The following CATIP variants were observed in gnomAD, a reference collection of about 807,000 sequenced individuals.
The protein encoded by CATIP is ciliogenesis associated TTC17 interacting protein, also known as ciliogenesis-associated TTC17-interacting protein.
In CATIP, 40 loss-of-function variants were observed where a neutral mutation model predicts 42.5. That is an observed-to-expected ratio of 0.94 (90% CI 0.73 to 1.22). The LOEUF is 1.22. Ranked by LOEUF, CATIP falls within the 50% of genes most tolerant of loss-of-function variation. The pLI is 0.00. For missense variants in CATIP, 489 were observed against 496.0 expected (o/e 0.99, Z 0.13); for synonymous variants, 222 against 200.2 (o/e 1.11, Z -0.92).
chr2:218,368,018 G>A lies in CATIP; in HGVS notation c.*54G>A. 1.4e-6 allele frequency: 2 copies of A among 1,454,600 alleles called. No homozygotes were observed. Among genetic ancestry groups the A allele is most frequent in the Non-Finnish European group, 1.8e-6 (2 of 1,110,520 alleles). The allele number at this position is 1,454,600 out of a possible 1,614,324, so 90.1% of individuals were successfully genotyped here. On this transcript the variant is annotated 3_prime_UTR_variant, in exon 10 of 10. Coordinates refer to ENST00000289388, the MANE Select transcript of CATIP (RefSeq NM_198559.2). ...AACCAGGGGTCGGGCTGGGACGCGG[G>A]CGGGACGCGCCGGGGCGGGTGCGCT...
At chr2:218,367,400 G>C (rs1449069696) in intron 8 of CATIP, 30 bp from the exon 9 acceptor site, 1 of 1,600,946 alleles carries the variant, frequency 6.2e-7, no homozygotes, top group African/African-American at 1.3e-5. Flanking sequence ...CCGGGGTAGG[G>C]ACGCCCAGCC....
intron 8 of CATIP, 40 bp downstream of exon 8, chr2:218,367,140 A>G (rs1329331269): frequency 3.3e-6 from 5 of 1,527,026 alleles, no homozygotes; most frequent in East Asian, 2.3e-5. Context: ...GGGAGAGTTA[A>G]GGGGAGTGGG....
chr2:218,357,317 AG>A, intron 2 of CATIP, 130 bp downstream of exon 2: 1 of 694,808 alleles, frequency 1.4e-6, no homozygotes, highest in Non-Finnish European at 2.3e-6. Context: ...GACTCAGAAA[AG>A]GCCTGAGGCC....
intron 2 of CATIP, 140 bp from the exon 3 acceptor site, chr2:218,357,394 C>T: frequency 1.3e-6 from 1 of 772,898 alleles, no homozygotes; most frequent in South Asian, 1.8e-5. Flanking sequence ...GGAGTCTTCA[C>T]CTGTCCGTGC....
intron 7 of CATIP, chr2:218,365,811 CTT>C (rs1695412219): frequency 6.6e-6 from 1 of 151,600 alleles, no homozygotes; most frequent in Non-Finnish European, 1.5e-5. Flanking sequence ...CTCTTTCTCT[CTT>C]TCTCTCTCTC....
chr2:218,364,826 G>A (rs1695370081), intron 7 of CATIP, 74 bp downstream of exon 7: 4 of 1,520,084 alleles, frequency 2.6e-6, no homozygotes, highest in Admixed American at 2.0e-5. Flanking sequence ...CTGCTTCTGG[G>A]GATAGCACCA....
rs1457768959 is a variant in CATIP, at chr2:218,367,764, C to T, written c.964C>T (p.Pro322Ser). 1.4e-5 allele frequency: 23 copies of T among 1,610,548 alleles called. No homozygotes were observed. The highest frequency in any genetic ancestry group is 1.9e-5 in the Non-Finnish European group (23 of 1,179,622). ...LGHASYLRQH[P>S]EAHALISDFL... ...CCACGCCAGCTATCTGCGGCAGCACCCCGAAGCCCACGCGCTCATCTCCGA... is the reference window on the plus strand; with the variant it reads ...CCACGCCAGCTATCTGCGGCAGCACTCCGAAGCCCACGCGCTCATCTCCGA... The change falls in exon 10 of 10, where the codon CCC becomes TCC. Residue 322 changes from proline to serine, a missense_variant. By Grantham distance (74) the Pro-to-Ser change is moderately conservative. Transcript: ENST00000289388.
At chr2:218,359,304 T>C (rs1400539019) in intron 4 of CATIP, among the ~76,000 whole-genome samples, 1 of 135,228 alleles carries the variant, frequency 7.4e-6, no homozygotes, top group East Asian at 2.2e-4. Flanking sequence ...ATCACACCAC[T>C]GCACTCCAGC....
intron 8 of CATIP, 134 bp from the exon 9 acceptor site, chr2:218,367,296 C>T (rs1440884351): frequency 1.1e-6 from 1 of 894,358 alleles, no homozygotes; most frequent in African/African-American, 1.7e-5. Context: ...AAGTCCCTTC[C>T]TGCAACTCTG....
rs963456968 is a variant in CATIP, at chr2:218,364,703, G to A, written c.706G>A (p.Ala236Thr). Residue 236 changes from alanine (A) to threonine (T), a missense_variant, in exon 7 of 10, where the codon GCG (alanine) becomes ACG (threonine). Physicochemically the swap from Ala to Thr is moderately conservative, Grantham distance 58. Transcript: ENST00000289388. Reference sequence around the variant, plus strand: ...CTTCATCGTGGAGCAGACTGTCCACGCGGAGGAGGGCATCCCCATGTCCTG... The same window carrying A: ...CTTCATCGTGGAGCAGACTGTCCACACGGAGGAGGGCATCCCCATGTCCTG... The part of the protein sequence containing the change: ...EVFIVEQTVH[A>T]EEGIPMSCQY... 17 of 1,613,764 alleles carry A rather than the reference G, an allele frequency of 1.1e-5. No homozygotes were observed. The highest frequency in any genetic ancestry group is 4.5e-5 in the East Asian group (2 of 44,850).
At chr2:218,358,402 T>G (rs1185573572) in intron 4 of CATIP, among the ~76,000 whole-genome samples, 1 of 151,722 alleles carries the variant, frequency 6.6e-6, no homozygotes, top group Non-Finnish European at 1.5e-5. Flanking sequence ...AAACCTCATC[T>G]GTACAAAAAT....
At position 218,367,716 on chromosome 2, in the gene CATIP, T is replaced by G. The variant is rs369037645; in HGVS notation, c.922-6T>G. On this transcript the variant is annotated splice_region_variant and splice_polypyrimidine_tract_variant and intron_variant, in intron 9 of 9. Transcript: ENST00000289388. The stretch of plus-strand genomic sequence containing the variant: ...CGGCTGAGGCTCGGGCTCTGTCCCC[T>G]GCCAGGAGGAGCTCCGGCTCGGCCA... 1.3e-5 allele frequency: 20 copies of G among 1,591,148 alleles called. No individual in the cohort carries two copies. Among genetic ancestry groups the G allele is most frequent in the Admixed American group, 1.8e-5 (1 of 56,920 alleles).
In CATIP at chr2:218,367,524, G is replaced by C. The variant is rs769678646; in HGVS notation, c.921+6G>C. ...CGAAGTTCCTGGACCGGAAGGTGAG[G>C]GGAGGCTCCACCAGCCTGGGGTTCC... On this transcript the variant is annotated splice_donor_region_variant and intron_variant, in intron 9 of 9. Coordinates refer to ENST00000289388, the MANE Select transcript of CATIP (RefSeq NM_198559.2). 3.1e-6 allele frequency: 5 copies of C among 1,613,944 alleles called. 1 individual carries two copies. The South Asian group carries it at 4.4e-5, about 14-fold the overall frequency.
At position 218,360,790 on chromosome 2, in the gene CATIP, T is replaced by G. The variant is rs1004353278; in HGVS notation, c.462+131T>G. On this transcript the variant is annotated intron_variant, in intron 5 of 9. Coordinates refer to ENST00000289388, the MANE Select transcript of CATIP (RefSeq NM_198559.2). ...GCGCACATGACACAGCCTCAGGAGG[T>G]CCTGAGGAAATGGGCCCAAAGTGGT... 6 of 591,724 alleles carry G rather than the reference T, an allele frequency of 1.0e-5. 1 individual carries two copies. Among genetic ancestry groups the G allele is most frequent in the Non-Finnish European group, 1.2e-5 (4 of 341,658 alleles). 36.7% of individuals were successfully genotyped at this position (591,724 alleles called of 1,614,324 possible).
rs753818885 is a variant in CATIP at position 218,362,588 on chromosome 2, C to T, written c.463-147C>T. The T allele has an allele frequency of 7.2e-4, 479 of 667,764 alleles. 1 individual carries two copies. The highest frequency in any genetic ancestry group is 4.9e-4 in the Non-Finnish European group (196 of 401,686). 41.4% of individuals were successfully genotyped at this position (667,764 alleles called of 1,614,324 possible). A position where few individuals can be genotyped will look rare whatever the true frequency, so the allele number is the denominator to read the frequency against. ...CGGAGGTTGCAGTGAGCTGAGACCA[C>T]GCCATTGCACTCCAGCCTGGGTGAC... On this transcript the variant is annotated intron_variant, in intron 5 of 9. Transcript: ENST00000289388.
At chr2:218,359,493 C>G (rs968086061) in intron 4 of CATIP, among the ~76,000 whole-genome samples, 6 of 152,122 alleles carry the variant, frequency 3.9e-5, no homozygotes, top group South Asian at 2.1e-4. Context: ...GGGCACAGAG[C>G]TGGGAGACTT....
intron 4 of CATIP, among the ~76,000 whole-genome samples, chr2:218,359,433 G>C (rs1695158796): frequency 6.6e-6 from 1 of 151,948 alleles, no homozygotes; most frequent in Non-Finnish European, 1.5e-5. Flanking sequence ...GTGTAAACAG[G>C]TCATGTTCAC....
At chr2:218,357,363 G>A (rs1695064470) in intron 2 of CATIP, 171 bp from the exon 3 acceptor site, 1 of 694,690 alleles carries the variant, frequency 1.4e-6, no homozygotes, top group African/African-American at 1.8e-5. Context: ...AGGCCCCCCG[G>A]GGACATGGGG....
At chr2:218,360,522 C>T in intron 4 of CATIP, 51 bp from the exon 5 acceptor site, 1 of 1,428,480 alleles carries the variant, frequency 7.0e-7, no homozygotes, top group Admixed American at 1.7e-5. Context: ...CAGGTGACCT[C>T]TGGGGGACCC....
Sources: gnomAD v4.1 joint callset for allele counts (sites outside exome capture counted in the v4.1 genomes callset) on GRCh38, gnomAD v4.1.1 for gene constraint, MANE v1.5 for transcripts, NCBI Gene and HGNC (gene_info 2026-07-23, HGNC 2026-07-21) for gene names.